The following FAAP20 variants were observed in gnomAD, a reference collection of about 807,000 sequenced individuals.
FAAP20 encodes the protein FA core complex associated protein 20, also known as Fanconi anemia core complex-associated protein 20.
FAAP20 carries 12 observed loss-of-function variants against 16.2 expected under a neutral mutation model. The observed-to-expected ratio is 0.74, with a 90% CI of 0.48 to 1.20. The LOEUF (loss-of-function observed/expected upper bound fraction) is 1.20, where lower values mean the gene tolerates loss of function less well. Ranked by LOEUF, FAAP20 falls within the 50% of genes most tolerant of loss-of-function variation. The pLI is 0.00. For synonymous variants in FAAP20, 141 were observed against 110.7 expected, an observed-to-expected ratio of 1.27 and a Z score of -1.72; for missense variants, 288 against 245.8, an observed-to-expected ratio of 1.17 and a Z score of -1.15.
chr1:2,211,174 T>C (rs1689423525), downstream of FAAP20, among the ~76,000 whole-genome samples: 1 of 151,734 alleles, frequency 6.6e-6, no homozygotes, highest in Non-Finnish European at 1.5e-5. Context: ...CCTGCCGCCA[T>C]GCCACTGCCT....
intron 3 of FAAP20, among the ~76,000 whole-genome samples, chr1:2,205,370 C>G (rs1470174238): frequency 1.4e-5 from 2 of 147,870 alleles, no homozygotes; most frequent in African/African-American, 2.5e-5. Flanking sequence ...GCTGTGTCCT[C>G]GGCGCCCAGC....
At chr1:2,194,566 G>A (rs1382125366) in intron 1 of FAAP20, 122 bp downstream of exon 1, 2 of 369,660 alleles carry the variant, frequency 5.4e-6, no homozygotes, top group Non-Finnish European at 8.0e-6. Context: ...GGGCGTGGGG[G>A]CCGGGCCCGG....
In FAAP20 at chr1:2,189,712, C is replaced by G. The variant is rs750786553; in HGVS notation, c.540G>C (p.Trp180Cys). The stretch of plus-strand genomic sequence containing the variant: ...GCGCAGGGCTCTTGGATGGCGCTCA[C>G]CACGTCACGTCTTCTGTGCTTTCGG... ...CLAESTEDVT[W>C] Residue 180 changes from tryptophan (W) to cysteine (C), a missense_variant, in exon 4 of 4, where the codon TGG becomes TGC. Trp to Cys is a radical substitution (Grantham distance 215, BLOSUM62 -2). Coordinates refer to ENST00000378546, the MANE Select transcript of FAAP20 (RefSeq NM_182533.4). The G allele has an allele frequency of 1.2e-6, 2 of 1,612,680 alleles. No homozygotes were observed. The highest frequency in any genetic ancestry group is 1.1e-5 in the South Asian group (1 of 91,064).
chr1:2,200,970 A>T (rs1406905692), upstream of FAAP20: 1 of 1,220,934 alleles, frequency 8.2e-7, no homozygotes, highest in Non-Finnish European at 1.1e-6. Context: ...TTTTATGGGA[A>T]ATCTGCTGGC....
downstream of FAAP20, among the ~76,000 whole-genome samples, chr1:2,186,506 G>GC (rs58129833): frequency 1.1e-5 from 1 of 94,750 alleles, no homozygotes; most frequent in Non-Finnish European, 2.2e-5. Context: ...GCCCCCCCCC[G>GC]GCCAGCTCAG....
At chr1:2,185,354 C>CGT (rs1557768644), downstream of FAAP20, 1 of 718,782 alleles carries the variant, frequency 1.4e-6, no homozygotes, top group South Asian at 1.5e-5. Context: ...GGAAAGTGAG[C>CGT]GTGTAGCGTC....
In FAAP20 at chr1:2,189,792, G is replaced by A. The variant is rs1687961579; in HGVS notation, c.471-11C>T. ...TCCAGCTGGGTCAGCCTGCAAGGGA[G>A]GGGCCACACTCACTCGGCCACCTCC... On this transcript the variant is annotated splice_polypyrimidine_tract_variant and intron_variant, in intron 3 of 3. Transcript: ENST00000378546. The A allele has an allele frequency of 6.2e-7, 1 of 1,606,764 alleles. No individual in the cohort carries two copies. Among genetic ancestry groups the A allele is most frequent in the Non-Finnish European group, 8.5e-7 (1 of 1,174,382 alleles).
intron 3 of FAAP20, among the ~76,000 whole-genome samples, chr1:2,205,637 G>C (rs1410744805): frequency 6.6e-6 from 1 of 152,168 alleles, no homozygotes; most frequent in Non-Finnish European, 1.5e-5. Context: ...TCGTTTCAAG[G>C]TGGACGCCAC....
intron 1 of FAAP20, 143 bp from the exon 2 acceptor site, chr1:2,194,276 G>A (rs751482173): frequency 4.3e-6 from 5 of 1,154,164 alleles, no homozygotes; most frequent in Non-Finnish European, 5.9e-6. Context: ...GTGGCCGGCA[G>A]GGTTGGGGGA....
At chr1:2,194,318 G>C (rs2100695644) in intron 1 of FAAP20, 185 bp from the exon 2 acceptor site, 1 of 536,318 alleles carries the variant, frequency 1.9e-6, no homozygotes, top group African/African-American at 2.2e-5. Context: ...GCGGAGATGA[G>C]GGGTACTGGG....
chr1:2,186,076 G>T, downstream of FAAP20: 1 of 454,214 alleles, frequency 2.2e-6, no homozygotes, highest in Non-Finnish European at 4.4e-6. Context: ...CAGGTGTCAG[G>T]TGTGGCAGAG....
upstream of FAAP20, among the ~76,000 whole-genome samples, chr1:2,195,173 C>T (rs1184346350): frequency 6.6e-6 from 1 of 152,222 alleles, no homozygotes; most frequent in African/African-American, 2.4e-5. Flanking sequence ...TGAAATCCGC[C>T]GTCGCCACCA....
At chr1:2,201,425 G>A (rs1348268013), upstream of FAAP20, among the ~76,000 whole-genome samples, 1 of 152,202 alleles carries the variant, frequency 6.6e-6, no homozygotes, top group African/African-American at 2.4e-5. Context: ...GACTTTTAGA[G>A]AAAGGGACCT....
At chr1:2,186,549 C>T (rs986705165), downstream of FAAP20, among the ~76,000 whole-genome samples, 4 of 142,892 alleles carry the variant, frequency 2.8e-5, no homozygotes, top group African/African-American at 1.0e-4. Context: ...CGGGTTTCAG[C>T]CACACTCCCA....
At chr1:2,205,427 C>A (rs1434414478) in intron 3 of FAAP20, among the ~76,000 whole-genome samples, 1 of 150,760 alleles carries the variant, frequency 6.6e-6, no homozygotes, top group Non-Finnish European at 1.5e-5. Flanking sequence ...CCTGTCCCAG[C>A]CACCTCGCCG....
At chr1:2,185,522 A>G, downstream of FAAP20, 1 of 716,192 alleles carries the variant, frequency 1.4e-6, no homozygotes, top group Non-Finnish European at 2.6e-6. Context: ...ACCTGTGGGG[A>G]CACACCGCAA....
chr1:2,201,305 C>T (rs1689038735), upstream of FAAP20: 2 of 1,076,268 alleles, frequency 1.9e-6, no homozygotes, highest in Non-Finnish European at 2.3e-6. Context: ...CGGTGAGCGA[C>T]CTCTGTAGGC....
chr1:2,203,202 T>A (rs966626554), upstream of FAAP20, among the ~76,000 whole-genome samples: 1 of 152,146 alleles, frequency 6.6e-6, no homozygotes, highest in South Asian at 2.1e-4. Flanking sequence ...CAGCAGAATC[T>A]CAGAACAGGC....
At chr1:2,199,226 A>T, upstream of FAAP20, 15 of 1,165,652 alleles carry the variant, frequency 1.3e-5, no homozygotes, top group Non-Finnish European at 1.6e-5. This position sits in a 1 kb window ranked among gnomAD's most constrained non-coding sequence, Gnocchi z 4.5. Context: ...CCCTCTCTCA[A>T]AGTCCCCAGC....
Sources: allele counts gnomAD v4.1 joint callset (sites outside exome capture counted in the v4.1 genomes callset), GRCh38; gene constraint gnomAD v4.1.1; non-coding constraint Gnocchi (gnomAD v3.1); transcripts MANE v1.5; gene names NCBI Gene and HGNC (gene_info 2026-07-23, HGNC 2026-07-21).